The following CTNNA2 variants were observed in gnomAD, a reference collection of about 807,000 sequenced individuals.
CTNNA2 encodes catenin alpha-2.
CTNNA2 carries 42 observed loss-of-function variants against 101.0 expected under a neutral mutation model. The observed-to-expected ratio is 0.42, with a 90% CI of 0.32 to 0.54. CTNNA2 has a LOEUF of 0.54. Ranked by LOEUF, CTNNA2 falls within the 20% of genes least tolerant of loss-of-function variation. The probability of loss-of-function intolerance (pLI) is 0.14; values close to 1 mark genes in which losing one functional copy is unlikely to be tolerated. For missense variants in CTNNA2, 871 were observed against 1,223.1 expected, an observed-to-expected ratio of 0.71 and a Z score of 4.29; for synonymous variants, 450 against 456.4, an observed-to-expected ratio of 0.99 and a Z score of 0.18.
chr2:80,288,698 G>A (rs1392697215), intron 7 of CTNNA2: 1 of 152,312 alleles, frequency 6.6e-6, no homozygotes, highest in African/African-American at 2.4e-5. Context: ...GGGAGGGGAG[G>A]AAGCTTGGCA....
intron 2 of CTNNA2, among the ~76,000 whole-genome samples, chr2:79,218,350 T>TGTGTG (rs1553383232): frequency 3.3e-5 from 2 of 60,020 alleles, no homozygotes; most frequent in Non-Finnish European, 3.3e-5. Flanking sequence ...TGTGTGTGTG[T>TGTGTG]ATTTTTTTTT....
At chr2:80,205,103 G>T (rs959687012) in intron 7 of CTNNA2, among the ~76,000 whole-genome samples, 1 of 152,176 alleles carries the variant, frequency 6.6e-6, no homozygotes, top group Non-Finnish European at 1.5e-5. Context: ...TACAAGATGA[G>T]ATTTGGGTGG....
chr2:79,863,568 C>A (rs775533806), intron 4 of CTNNA2, among the ~76,000 whole-genome samples: 29 of 152,162 alleles, frequency 1.9e-4, no homozygotes, highest in Non-Finnish European at 7.3e-5. Flanking sequence ...AACACAACCA[C>A]TCAGTCATTT....
chr2:79,460,513 G>A (rs1670867023), intron 4 of CTNNA2, among the ~76,000 whole-genome samples: 1 of 152,120 alleles, frequency 6.6e-6, no homozygotes, highest in Non-Finnish European at 1.5e-5. Context: ...ATCTAAAAAT[G>A]TTCTCACTCT....
At chr2:80,125,945 C>A (rs1702084713) in intron 7 of CTNNA2, among the ~76,000 whole-genome samples, 1 of 152,122 alleles carries the variant, frequency 6.6e-6, no homozygotes, top group Non-Finnish European at 1.5e-5. Flanking sequence ...ACCTGGTTCA[C>A]TTTTGTAAAG....
chr2:79,362,828 A>G lies in CTNNA2; in HGVS notation c.-317-11003A>G, dbSNP rs140962630. Among the ~76,000 whole-genome samples the G allele has an allele frequency of 7.9e-3, 1,203 of 152,312 alleles. 47 individuals carry two copies. The highest frequency in any genetic ancestry group is 0.061 in the Admixed American group (937 of 15,304). On this transcript the variant is annotated intron_variant, in intron 3 of 21. Coordinates refer to the CTNNA2 transcript ENST00000466387. The stretch of plus-strand genomic sequence containing the variant: ...AGAGCATAGCCTCCAGCTGACCCAC[A>G]GTGGGCAATAACTTAGTTTGGAGGA...
chr2:80,434,697 G>C (rs1405011237), intron 9 of CTNNA2, among the ~76,000 whole-genome samples: 1 of 151,366 alleles, frequency 6.6e-6, no homozygotes, highest in Non-Finnish European at 1.5e-5. Context: ...GAACTCCTGG[G>C]GTCAAGTGAT....
chr2:80,144,033 T>A (rs1178790486), intron 7 of CTNNA2, among the ~76,000 whole-genome samples: 1 of 152,198 alleles, frequency 6.6e-6, no homozygotes, highest in Non-Finnish European at 1.5e-5. Context: ...AAAAGGCTTC[T>A]GACCCTCTAT....
At chr2:79,210,115 T>TGTGTGTGTGTGTGTGTGTGTGTGTGTGTG (rs1572979854) in intron 2 of CTNNA2, among the ~76,000 whole-genome samples, 1 of 151,674 alleles carries the variant, frequency 6.6e-6, no homozygotes, top group South Asian at 2.1e-4. Context: ...TGTGTGTGTG[T>TGTGTGTGTGTGTGTGTGTGTGTGTGTGTG]TTAAGCAGAA....
At chr2:79,532,136 C>A (rs1194065574) in intron 1 of CTNNA2, among the ~76,000 whole-genome samples, 1 of 152,112 alleles carries the variant, frequency 6.6e-6, no homozygotes, top group East Asian at 1.9e-4. Context: ...CTTGAAGATG[C>A]TGAACTGACC....
chr2:79,425,127 G>A (rs1558663919), intron 4 of CTNNA2, among the ~76,000 whole-genome samples: 1 of 152,120 alleles, frequency 6.6e-6, no homozygotes, highest in Non-Finnish European at 1.5e-5. Flanking sequence ...AAATCCTGTT[G>A]CCACTGCCTT....
At chr2:80,023,464 T>C (rs113287695) in intron 7 of CTNNA2, among the ~76,000 whole-genome samples, 3,700 of 150,660 alleles carry the variant, frequency 0.025, 61 homozygotes, top group Admixed American at 0.032. Flanking sequence ...GGATTCAGGC[T>C]CTGTTTTTTT....
chr2:80,030,313 A>T (rs1022165774), intron 7 of CTNNA2, among the ~76,000 whole-genome samples: 1 of 152,136 alleles, frequency 6.6e-6, no homozygotes, highest in South Asian at 2.1e-4. Context: ...TCTTCCTCCA[A>T]TTCTTAATGA....
At chr2:80,151,129 T>G (rs1463385286) in intron 7 of CTNNA2, among the ~76,000 whole-genome samples, 2 of 152,214 alleles carry the variant, frequency 1.3e-5, no homozygotes, top group African/African-American at 4.8e-5. Context: ...TGCTGGGCAG[T>G]TTCGTCCCAG....
Position 80,410,204 on chromosome 2 carries a change from G to A in CTNNA2, c.1138-9245G>A, listed in dbSNP as rs1224266128. Among the ~76,000 whole-genome samples, 11 of 152,302 alleles carry A rather than the reference G, an allele frequency of 7.2e-5. No individual in the cohort carries two copies. The South Asian group carries it at 2.3e-3, about 32-fold the overall frequency. On this transcript the variant is annotated intron_variant, in intron 8 of 18. Transcript: ENST00000402739. The stretch of plus-strand genomic sequence containing the variant: ...ACACTCCTCATACCCCACCCAATAG[G>A]TAGACAACTTTTGGTCATTTTTGAG...
intron 7 of CTNNA2, among the ~76,000 whole-genome samples, chr2:79,978,002 G>A (rs1383365032): frequency 3.9e-5 from 6 of 152,106 alleles, no homozygotes; most frequent in African/African-American, 1.2e-4. Flanking sequence ...GAGCAGCAGC[G>A]GGTGGTGACT....
At chr2:79,427,253 T>C (rs185515310) in intron 4 of CTNNA2, among the ~76,000 whole-genome samples, 282 of 152,164 alleles carry the variant, frequency 1.9e-3, no homozygotes, top group Non-Finnish European at 3.1e-3. Context: ...CTGTATAAAA[T>C]TTCACAGGAA....
At chr2:79,944,873 A>G (rs2104469310) in intron 7 of CTNNA2, among the ~76,000 whole-genome samples, 1 of 147,390 alleles carries the variant, frequency 6.8e-6, no homozygotes, top group Non-Finnish European at 1.5e-5. Context: ...GGTTCATTAA[A>G]GACAGTTTAT....
At chr2:79,235,855 C>T (rs1478336663) in intron 2 of CTNNA2, among the ~76,000 whole-genome samples, 1 of 152,032 alleles carries the variant, frequency 6.6e-6, no homozygotes, top group African/African-American at 2.4e-5. Flanking sequence ...AGGTGTGACC[C>T]ACCTGGCTAT....
Sources: allele counts gnomAD v4.1 joint callset (sites outside exome capture counted in the v4.1 genomes callset), GRCh38; gene constraint gnomAD v4.1.1; transcripts MANE v1.5; gene names NCBI Gene and HGNC (gene_info 2026-07-23, HGNC 2026-07-21).